Variants in DSP observed in about 807,000 individuals in gnomAD.
The protein encoded by DSP is desmoplakin, also known as 250/210 kDa paraneoplastic pemphigus antigen.
A neutral mutation model predicts 290.6 loss-of-function variants in DSP; 114 were observed. That is an observed-to-expected ratio of 0.39 (90% CI 0.34 to 0.46). DSP has a LOEUF of 0.46. DSP is among the 20% of genes least tolerant of loss of function. The pLI is 0.99. For missense variants in DSP, 3,230 were observed against 3,495.8 expected (o/e 0.92, Z 1.92); for synonymous variants, 1,311 against 1,316.4 (o/e 1.00, Z 0.09).
At chr6:7,551,965 C>G (rs1758355665) in intron 1 of DSP, among the ~76,000 whole-genome samples, 1 of 152,122 alleles carries the variant, frequency 6.6e-6, no homozygotes, top group African/African-American at 2.4e-5. Context: ...AATTCTTGGC[C>G]ACACCTAAGA....
intron 21 of DSP, 50 bp from the exon 22 acceptor site, chr6:7,578,413 CT>C (rs762327152): frequency 1.1e-3 from 1,491 of 1,402,996 alleles, no homozygotes; most frequent in East Asian, 1.2e-3. Flanking sequence ...TTACATAGGA[CT>C]TTTTTTTTAA....
In DSP at chr6:7,576,357, C is replaced by A; in HGVS notation, c.2694C>A (p.Phe898Leu). The A allele has an allele frequency of 6.2e-7, 1 of 1,614,142 alleles. No homozygotes were observed. The highest frequency in any genetic ancestry group is 8.5e-7 in the Non-Finnish European group (1 of 1,180,014). Residue 898 changes from phenylalanine to leucine, a missense_variant, in exon 19 of 24, where the codon TTC (phenylalanine) becomes TTA (leucine). Phe to Leu is a conservative substitution (Grantham distance 22). Around this residue, in one of 5 missense-constraint regions of DSP, gnomAD observed 1,714 missense variants for 1,844.5 expected, o/e 0.93. Transcript: ENST00000379802. Reference sequence around the variant, plus strand: ...ATTATCGTGATAACTATCAGGCTTTCTGCAAGTGGCTCTATGATGCTAAAC... The same window carrying A: ...ATTATCGTGATAACTATCAGGCTTTATGCAAGTGGCTCTATGATGCTAAAC... Reference protein sequence around the residue: ...LRNYRDNYQAFCKWLYDAKRR... With the variant: ...LRNYRDNYQALCKWLYDAKRR...
At position 7,580,419 on chromosome 6, in the gene DSP, A is replaced by C. The variant is rs373596230; in HGVS notation, c.4229A>C (p.Lys1410Thr). ...AACAGGAGCTTATCTGAAGAAATAA[A>C]GAGGCTGAAGAACACTCTAACCCAG... ...RENRSLSEEI[K>T]RLKNTLTQTT... The change falls in exon 23 of 24, where the codon AAG becomes ACG. Residue 1410 changes from lysine (K) to threonine (T), a missense_variant. Physicochemically the swap from Lys to Thr is moderately conservative, Grantham distance 78 (BLOSUM62 -1). Transcript: ENST00000379802. This position sits in a 1 kb window ranked among gnomAD's most constrained non-coding sequence, Gnocchi z 4.2. The C allele has an allele frequency of 6.2e-7, 1 of 1,614,116 alleles. No homozygotes were observed. Among genetic ancestry groups the C allele is most frequent in the South Asian group, 1.1e-5 (1 of 91,064 alleles).
rs1759011870 is a variant in DSP at position 7,570,515 on chromosome 6, C to G, written c.1653C>G (p.His551Gln). ...ACATGAAGAGCCTGGTGTCCTGGCA[C>G]TACTGCATGATTGACATAGAGAAGA... ...YINMKSLVSW[H>Q]YCMIDIEKIR... is the part of the protein sequence containing the mutation. Residue 551 changes from histidine (H) to glutamine (Q), a missense_variant, in exon 13 of 24, where the codon CAC (histidine) becomes CAG (glutamine). His to Gln is a conservative substitution (Grantham distance 24). Around this residue, in one of 5 missense-constraint regions of DSP, gnomAD observed 81 missense variants for 130.5 expected, o/e 0.62. Transcript: ENST00000379802. 3.1e-6 allele frequency: 5 copies of G among 1,613,918 alleles called. No individual in the cohort carries two copies. Among genetic ancestry groups the G allele is most frequent in the African/African-American group, 1.3e-5 (1 of 74,916 alleles).
In DSP at chr6:7,575,397, C is replaced by G; in HGVS notation, c.2539C>G (p.Pro847Ala). The G allele has an allele frequency of 6.2e-7, 1 of 1,614,126 alleles. No homozygotes were observed. The change falls in exon 18 of 24, where the codon CCA (proline) becomes GCA (alanine). Residue 847 changes from proline to alanine, a missense_variant. By Grantham distance (27) the Pro-to-Ala change is conservative. This residue lies in a region of DSP where 1,714 missense variants were observed against 1,844.5 expected (regional missense o/e 0.93). Transcript: ENST00000379802. ...QIHSQTSQQY[P>A]LYDLDLGKFG... ...CCACTCTCAGACTTCACAGCAGTAT[C>G]CACTTTATGATCTGGACTTGGGCAA... is the stretch of plus-strand genomic sequence containing the variant.
At chr6:7,558,860 G>T (rs1758584304) in intron 3 of DSP, among the ~76,000 whole-genome samples, 1 of 152,088 alleles carries the variant, frequency 6.6e-6, no homozygotes. Flanking sequence ...GAGACCCTTA[G>T]AGTTGGAAAC....
intron 6 of DSP, 29 bp downstream of exon 6, chr6:7,563,815 G>T (rs140348839): frequency 6.9e-6 from 11 of 1,603,722 alleles, no homozygotes; most frequent in Non-Finnish European, 9.4e-6. Flanking sequence ...CAAGTGCATC[G>T]ACTTTCTGTT....
intron 16 of DSP, 139 bp downstream of exon 16, chr6:7,574,391 T>C (rs1439228743): frequency 3.1e-6 from 3 of 969,930 alleles, no homozygotes; most frequent in South Asian, 3.0e-5. Context: ...TTGGAGAGCA[T>C]GTTAATTCCG....
intron 15 of DSP, among the ~76,000 whole-genome samples, chr6:7,572,755 G>A (rs1431150269): frequency 6.6e-6 from 1 of 152,030 alleles, no homozygotes. Context: ...AATGACCGGG[G>A]CACATTCTAA....
chr6:7,577,122 GTA>G, intron 20 of DSP, 80 bp downstream of exon 20: 2 of 1,077,520 alleles, frequency 1.9e-6, no homozygotes, highest in East Asian at 2.5e-5. Flanking sequence ...GTTGTAAAGC[GTA>G]TACACTTCCT....
chr6:7,555,814 G>A lies in DSP; in HGVS notation c.267G>A (p.Val89=), dbSNP rs751066566. The A allele has an allele frequency of 6.2e-7, 1 of 1,613,882 alleles. No homozygotes were observed. Among genetic ancestry groups the A allele is most frequent in the Non-Finnish European group, 8.5e-7 (1 of 1,179,908 alleles). Reference sequence around the variant, plus strand: ...GCTTGATGCGAGCAGAGCTCATCGTGCAGCCTGTAAGCTTTCCCTGTTCCC... The same window carrying A: ...GCTTGATGCGAGCAGAGCTCATCGTACAGCCTGTAAGCTTTCCCTGTTCCC... ...SDCLMRAELI[V]QPELKYGDGI... The change falls in exon 2 of 24, where the codon GTG becomes GTA. Residue 89 remains valine (V), a synonymous_variant. Coordinates refer to ENST00000379802, the MANE Select transcript of DSP (RefSeq NM_004415.4).
At chr6:7,558,973 A>G (rs1352122239) in intron 3 of DSP, among the ~76,000 whole-genome samples, 1 of 152,118 alleles carries the variant, frequency 6.6e-6, no homozygotes, top group African/African-American at 2.4e-5. Flanking sequence ...AGAAAATGAA[A>G]GTTGCTCCCA....
At chr6:7,566,618 CA>C in intron 8 of DSP, 137 bp downstream of exon 8, 1 of 709,360 alleles carries the variant, frequency 1.4e-6, no homozygotes, top group Non-Finnish European at 2.4e-6. Flanking sequence ...TACCCTACAC[CA>C]GGGGTTGGCA....
At chr6:7,550,218 G>GTTTTTTTTTTT (rs199882901) in intron 1 of DSP, among the ~76,000 whole-genome samples, 1 of 139,684 alleles carries the variant, frequency 7.2e-6, no homozygotes. Context: ...CAGCTGTTTT[G>GTTTTTTTTTTT]TTTTTGTTTT....
chr6:7,567,832 T>C lies in DSP; in HGVS notation c.1192T>C (p.Ser398Pro). 1 of 1,614,046 alleles carries C rather than the reference T, an allele frequency of 6.2e-7. No individual in the cohort carries two copies. The highest frequency in any genetic ancestry group is 1.1e-5 in the South Asian group (1 of 91,072). The change falls in exon 10 of 24, where the codon TCC (serine) becomes CCC (proline). Residue 398 changes from serine (S) to proline (P), a missense_variant. Coordinates refer to ENST00000379802, the MANE Select transcript of DSP (RefSeq NM_004415.4). ...TEAYLKGLQD[S>P]IRKKYPCDKN... The stretch of plus-strand genomic sequence containing the variant: ...AGCATACCTGAAGGGGCTCCAGGAC[T>C]CCATCAGGAAGAAGTACCCCTGCGA...
chr6:7,570,213 G>A (rs1759000533), intron 12 of DSP, among the ~76,000 whole-genome samples: 1 of 152,144 alleles, frequency 6.6e-6, no homozygotes, highest in South Asian at 2.1e-4. Context: ...ACAACAAAAA[G>A]TTGTAGTATA....
chr6:7,581,162 T>A lies in DSP; in HGVS notation c.4972T>A (p.Ser1658Thr), dbSNP rs1759425765. 6.2e-7 allele frequency: 1 copy of A among 1,614,028 alleles called. No homozygotes were observed. Residue 1658 changes from serine to threonine, a missense_variant, in exon 23 of 24, where the codon TCT (serine) becomes ACT (threonine). By Grantham distance (58) the Ser-to-Thr change is moderately conservative. Coordinates refer to ENST00000379802, the MANE Select transcript of DSP (RefSeq NM_004415.4). ...QRTQEELRRL[S>T]SEVEALRRQL... ...GACCCAGGAAGAGCTGAGGAGGCTCTCTTCTGAGGTCGAGGCCCTGAGGCG... is the reference window on the plus strand; with the variant it reads ...GACCCAGGAAGAGCTGAGGAGGCTCACTTCTGAGGTCGAGGCCCTGAGGCG...
At chr6:7,563,687 T>C in intron 5 of DSP, 49 bp from the exon 6 acceptor site, 1 of 1,516,190 alleles carries the variant, frequency 6.6e-7, no homozygotes, top group Non-Finnish European at 9.2e-7. Context: ...CTCTTTTCTA[T>C]ACAATCCACA....
At chr6:7,544,250 G>A (rs1436925147) in intron 1 of DSP, among the ~76,000 whole-genome samples, 2 of 152,046 alleles carry the variant, frequency 1.3e-5, no homozygotes, top group Non-Finnish European at 2.9e-5. Flanking sequence ...TGACTTCTGC[G>A]TTTTCAAATA....
Sources: allele counts gnomAD v4.1 joint callset (sites outside exome capture counted in the v4.1 genomes callset), GRCh38; gene constraint gnomAD v4.1.1; regional missense constraint gnomAD v4.1.1; non-coding constraint Gnocchi (gnomAD v3.1); transcripts MANE v1.5; gene names NCBI Gene and HGNC (gene_info 2026-07-23, HGNC 2026-07-21).